The following LRRTM4 variants were observed in gnomAD, a reference collection of about 807,000 sequenced individuals.
LRRTM4 encodes the protein leucine-rich repeat transmembrane neuronal protein 4.
LRRTM4 carries 25 observed loss-of-function variants against 47.6 expected under a neutral mutation model. That is an observed-to-expected ratio of 0.53 (90% CI 0.38 to 0.73). LRRTM4 has a LOEUF of 0.73. LRRTM4 is among the 30% of genes least tolerant of loss of function. The pLI, the probability that LRRTM4 is intolerant of heterozygous loss-of-function variation, is 0.00. For synonymous variants in LRRTM4, 311 were observed against 269.5 expected, an observed-to-expected ratio of 1.15 and a Z score of -1.51; for missense variants, 638 against 713.4, an observed-to-expected ratio of 0.89 and a Z score of 1.20.
At chr2:77,396,157 C>T (rs1309356653) in intron 3 of LRRTM4, among the ~76,000 whole-genome samples, 1 of 151,838 alleles carries the variant, frequency 6.6e-6, no homozygotes, top group East Asian at 1.9e-4. Flanking sequence ...GTTCATTTTA[C>T]AAGCTGATTA....
chr2:77,245,365 A>C (rs1675411739), intron 3 of LRRTM4, among the ~76,000 whole-genome samples: 1 of 151,888 alleles, frequency 6.6e-6, no homozygotes, highest in Non-Finnish European at 1.5e-5. Flanking sequence ...TGGGCAAAAT[A>C]GTGAAACCTC....
At chr2:77,054,803 T>C (rs867235532) in intron 3 of LRRTM4, among the ~76,000 whole-genome samples, 2 of 152,200 alleles carry the variant, frequency 1.3e-5, no homozygotes, top group African/African-American at 4.8e-5. Flanking sequence ...GTTTGAGTAA[T>C]TGCTGTTTTT....
At chr2:77,280,407 G>A (rs1236257552) in intron 3 of LRRTM4, among the ~76,000 whole-genome samples, 1 of 152,008 alleles carries the variant, frequency 6.6e-6, no homozygotes, top group Non-Finnish European at 1.5e-5. Context: ...GTGAGACTTT[G>A]TTATAATAGT....
intron 3 of LRRTM4, among the ~76,000 whole-genome samples, chr2:76,816,316 G>A (rs1670894134): frequency 6.6e-6 from 1 of 152,054 alleles, no homozygotes; most frequent in Admixed American, 6.6e-5. Context: ...CTTTGACTAT[G>A]CATCTCACCG....
At chr2:76,853,643 T>G (rs763589863) in intron 3 of LRRTM4, among the ~76,000 whole-genome samples, 10 of 151,070 alleles carry the variant, frequency 6.6e-5, no homozygotes, top group Non-Finnish European at 1.3e-4. Context: ...GAAAAAAAAA[T>G]GTACCAATTT....
intron 3 of LRRTM4, among the ~76,000 whole-genome samples, chr2:76,773,849 G>A (rs1335843543): frequency 6.6e-6 from 1 of 151,528 alleles, no homozygotes; most frequent in African/African-American, 2.4e-5. Context: ...AATAATGGTA[G>A]CAGAGGTTTG....
At chr2:77,521,631 A>C (rs1368778083) in intron 2 of LRRTM4, 37 bp downstream of exon 2, 1 of 1,611,998 alleles carries the variant, frequency 6.2e-7, no homozygotes, top group Admixed American at 1.7e-5. Flanking sequence ...CAAGAGGATC[A>C]GCTTTGCTCA....
chr2:77,293,039 CAT>C (rs1676873712), intron 3 of LRRTM4, among the ~76,000 whole-genome samples: 1 of 151,722 alleles, frequency 6.6e-6, no homozygotes, highest in Non-Finnish European at 1.5e-5. Context: ...TTCAGTTTGA[CAT>C]AAAATCAGTA....
intron 3 of LRRTM4, among the ~76,000 whole-genome samples, chr2:77,397,325 G>T (rs1380271114): frequency 6.6e-6 from 1 of 151,772 alleles, no homozygotes; most frequent in Non-Finnish European, 1.5e-5. Context: ...TAGGAAAAGG[G>T]AGTATCTTGA....
At position 77,069,401 on chromosome 2, in the gene LRRTM4, A is replaced by ATGTGTGTGTG. The variant is rs3058064; in HGVS notation, c.1552-320495_1552-320486dup. Among the ~76,000 whole-genome samples the ATGTGTGTGTG allele has an allele frequency of 7.1e-3, 1,002 of 141,526 alleles. 8 individuals carry two copies. The highest frequency in any genetic ancestry group is 0.022 in the African/African-American group (843 of 38,340). The allele number at this position is 141,526 out of a possible 152,430, so 92.8% of individuals were successfully genotyped here. Reference sequence around the variant, plus strand: ...GTCATATGGAACTCTACATTTCACTATGTGTGTGTGTGTGTGTGTGTGTGT... The same window carrying ATGTGTGTGTG: ...GTCATATGGAACTCTACATTTCACTATGTGTGTGTGTGTGTGTGTGTGTGTGTGTGTGTGT... On this transcript the variant is annotated intron_variant, in intron 3 of 3. Transcript: ENST00000409884.
At chr2:76,808,025 C>CTCTTT (rs879825783) in intron 3 of LRRTM4, among the ~76,000 whole-genome samples, 4 of 134,306 alleles carry the variant, frequency 3.0e-5, no homozygotes, top group African/African-American at 1.2e-4. Flanking sequence ...TCCTTCCTTC[C>CTCTTT]TCTTTTCTTT....
At chr2:77,282,361 G>A (rs1676529362) in intron 3 of LRRTM4, among the ~76,000 whole-genome samples, 1 of 151,744 alleles carries the variant, frequency 6.6e-6, no homozygotes, top group Non-Finnish European at 1.5e-5. Context: ...GGTTTTCTGG[G>A]CATAGAATCA....
chr2:77,240,642 TA>T (rs1443533726), intron 3 of LRRTM4, among the ~76,000 whole-genome samples: 1 of 151,952 alleles, frequency 6.6e-6, no homozygotes, highest in African/African-American at 2.4e-5. Context: ...GAAGACAACA[TA>T]ATTGTCTATG....
intron 3 of LRRTM4, among the ~76,000 whole-genome samples, chr2:77,486,967 T>C (rs2901851): frequency 0.38 from 57,484 of 152,180 alleles, 11,027 homozygotes; most frequent in Admixed American, 0.44. Flanking sequence ...ACATTTCTAC[T>C]TGTGCACATA....
chr2:77,206,490 A>C (rs1674129872), intron 3 of LRRTM4, among the ~76,000 whole-genome samples: 1 of 150,824 alleles, frequency 6.6e-6, no homozygotes, highest in Non-Finnish European at 1.5e-5. Context: ...TTGCCTCAAA[A>C]AAGATTTTTT....
chr2:77,296,194 G>A (rs576789572), intron 3 of LRRTM4, among the ~76,000 whole-genome samples: 1 of 152,190 alleles, frequency 6.6e-6, no homozygotes, highest in South Asian at 2.1e-4. Flanking sequence ...AGAAATATTT[G>A]AGAAATTATT....
chr2:77,305,640 T>C (rs1339432152), intron 3 of LRRTM4, among the ~76,000 whole-genome samples: 3 of 152,124 alleles, frequency 2.0e-5, no homozygotes, highest in African/African-American at 7.2e-5. Context: ...TGCATATCCA[T>C]GTGTTACTGC....
rs370829024 is a variant in LRRTM4, at chr2:77,010,545, C to CACACAG, written c.1552-261630_1552-261629insCTGTGT. Among the ~76,000 whole-genome samples the CACACAG allele has an allele frequency of 3.6e-3, 540 of 148,932 alleles. 8 individuals carry two copies. The highest frequency in any genetic ancestry group is 5.3e-3 in the Non-Finnish European group (358 of 67,444). Reference sequence around the variant, plus strand: ...ACACACACACACACACACACACACACAGTCTTTAACCATTCATCTGTTGAT... The same window carrying CACACAG: ...ACACACACACACACACACACACACACACACAGAGTCTTTAACCATTCATCTGTTGAT... On this transcript the variant is annotated intron_variant, in intron 3 of 3. Coordinates refer to ENST00000409884, the MANE Select transcript of LRRTM4 (RefSeq NM_001134745.3).
chr2:76,979,082 T>C (rs1370439400), intron 3 of LRRTM4, among the ~76,000 whole-genome samples: 1 of 152,010 alleles, frequency 6.6e-6, no homozygotes, highest in African/African-American at 2.4e-5. Context: ...AAGTGGTCAA[T>C]GAGGATACCT....
Sources: gnomAD v4.1 joint callset for allele counts (sites outside exome capture counted in the v4.1 genomes callset) on GRCh38, gnomAD v4.1.1 for gene constraint, MANE v1.5 for transcripts, NCBI Gene and HGNC (gene_info 2026-07-23, HGNC 2026-07-21) for gene names.